Variants in MAGEA11 observed in about 807,000 individuals in gnomAD.
The protein encoded by MAGEA11 is melanoma-associated antigen 11.
MAGEA11 carries 1 observed loss-of-function variant against 8.4 expected under a neutral mutation model. The ratio of observed to expected loss-of-function variants is 0.12; its 90% CI spans 0.04 to 0.57. MAGEA11 has a LOEUF of 0.57. Ranked by LOEUF, MAGEA11 falls within the 20% of genes least tolerant of loss-of-function variation. MAGEA11 has a pLI of 0.91. For missense variants in MAGEA11, 209 were observed against 317.3 expected (o/e 0.66, Z 2.59); for synonymous variants, 127 against 119.3 (o/e 1.06, Z -0.42).
Position 149,715,885 on chromosome X carries a change from G to A in MAGEA11, c.399G>A (p.Leu133=). The A allele has an allele frequency of 8.3e-7, 1 of 1,211,376 alleles. No individual in the cohort carries two copies. The highest frequency in any genetic ancestry group is 1.8e-5 in the South Asian group (1 of 56,921). ...EEGLQAQEED[L]GLVGAQALQA... is the part of the protein sequence containing the mutation. ...GCCTTCAGGCCCAAGAAGAAGACCTGGGCCTGGTGGGTGCACAGGCTCTCC... is the reference window on the plus strand; with the variant it reads ...GCCTTCAGGCCCAAGAAGAAGACCTAGGCCTGGTGGGTGCACAGGCTCTCC... The change falls in exon 5 of 5, where the codon CTG becomes CTA. Residue 133 remains leucine (L), a synonymous_variant. Transcript: ENST00000355220.
At chrX:149,711,583 C>T (rs1177311001), upstream of MAGEA11, among the ~76,000 whole-genome samples, 1 of 111,683 alleles carries the variant, frequency 9.0e-6, no homozygotes, top group Non-Finnish European at 1.9e-5. Context: ...GAGCATCTCC[C>T]ACCCATCACT....
upstream of MAGEA11, among the ~76,000 whole-genome samples, chrX:149,710,573 C>G (rs781950773): frequency 9.0e-6 from 1 of 111,339 alleles, no homozygotes; most frequent in Admixed American, 9.5e-5. Context: ...CTTAGCCTCC[C>G]TACCAGCTGG....
At chrX:149,700,635 T>C (rs1217845295) in intron 1 of MAGEA11, among the ~76,000 whole-genome samples, 2 of 109,944 alleles carry the variant, frequency 1.8e-5, no homozygotes, top group Non-Finnish European at 3.8e-5. Context: ...TACATATGTA[T>C]ACATGTGCCA....
rs1602941650 is a variant in MAGEA11, at chrX:149,714,696, C to T, written c.192+120C>T. 8 of 1,071,862 alleles carry T rather than the reference C, an allele frequency of 7.5e-6. No homozygotes were observed. The African/African-American group carries it at 1.5e-4, about 20-fold the overall frequency. The allele number at this position is 1,071,862 out of a possible 1,213,427, so 88.3% of individuals were successfully genotyped here. A position where few individuals can be genotyped will look rare whatever the true frequency, so the allele number is the denominator to read the frequency against. On this transcript the variant is annotated intron_variant, in intron 3 of 4. Transcript: ENST00000355220. Reference sequence around the variant, plus strand: ...CATGTGCAGGACTATGTGCTGAGACCCCTCTCTTATACTGGGATCATTGGT... The same window carrying T: ...CATGTGCAGGACTATGTGCTGAGACTCCTCTCTTATACTGGGATCATTGGT...
At chrX:149,694,729 T>G (rs782684694) in intron 1 of MAGEA11, among the ~76,000 whole-genome samples, 1 of 111,271 alleles carries the variant, frequency 9.0e-6, no homozygotes, top group South Asian at 3.9e-4. Flanking sequence ...TTCTTTTTTT[T>G]AATTTTATTT....
At chrX:149,700,807 T>C (rs2090349550) in intron 1 of MAGEA11, among the ~76,000 whole-genome samples, 1 of 102,679 alleles carries the variant, frequency 9.7e-6, no homozygotes, top group Non-Finnish European at 2.0e-5. Flanking sequence ...TGAGTGAGAA[T>C]ATGCGGTGTT....
At chrX:149,704,365 G>T (rs17278912) in intron 1 of MAGEA11, among the ~76,000 whole-genome samples, 7,649 of 112,385 alleles carry the variant, frequency 0.068, 470 homozygotes, top group Admixed American at 0.27. Context: ...GAATGCAGAT[G>T]AGGTGAAGAC....
At chrX:149,709,714 T>A (rs1373392747), upstream of MAGEA11, among the ~76,000 whole-genome samples, 1 of 112,295 alleles carries the variant, frequency 8.9e-6, no homozygotes, top group Non-Finnish European at 1.9e-5. Flanking sequence ...TTCCCTATAT[T>A]AACAAGATTA....
At chrX:149,695,560 A>G (rs1341359246) in intron 1 of MAGEA11, among the ~76,000 whole-genome samples, 2 of 112,270 alleles carry the variant, frequency 1.8e-5, no homozygotes, top group Middle Eastern at 4.6e-3. Flanking sequence ...CCACCATATA[A>G]TGACAAACCA....
chrX:149,689,983 A>C (rs1189418423), intron 1 of MAGEA11, among the ~76,000 whole-genome samples: 1 of 112,013 alleles, frequency 8.9e-6, no homozygotes, highest in African/African-American at 3.2e-5. Context: ...GATCTTCCTT[A>C]GTGTTGGCCC....
Position 149,700,461 on chromosome X carries a change from C to T in MAGEA11, c.9+11477C>T, listed in dbSNP as rs184010326. On this transcript the variant is annotated intron_variant, in intron 1 of 3. Coordinates refer to the MAGEA11 transcript ENST00000333104. The stretch of plus-strand genomic sequence containing the variant: ...TTCCTTTGTGATTTTTTCTTTTGCC[C>T]GTTGGTTGTTTAGGAGTATGTAGTT... 8.1e-5 allele frequency among the ~76,000 whole-genome samples: 9 copies of T among 110,486 alleles called. No individual in the cohort carries two copies. The East Asian group carries it at 2.0e-3, about 24-fold the overall frequency.
chrX:149,705,263 G>A (rs143830645), intron 1 of MAGEA11, among the ~76,000 whole-genome samples: 132 of 111,759 alleles, frequency 1.2e-3, no homozygotes, highest in African/African-American at 3.6e-3. Context: ...AGAGGGACAC[G>A]GTTTGAGATA....
At position 149,716,921 on chromosome X, in the gene MAGEA11, A is replaced by G. The variant is rs2090429825; in HGVS notation, c.*145A>G. On this transcript the variant is annotated 3_prime_UTR_variant, in exon 5 of 5. Transcript: ENST00000355220. ...GAGAGAAGTCAGTGTTCTCAGTAGT[A>G]GAAGGCACAGTGAATGGAAGGGAAC... 3.9e-6 allele frequency: 2 copies of G among 517,741 alleles called. No individual in the cohort carries two copies. The highest frequency in any genetic ancestry group is 6.2e-6 in the Non-Finnish European group (2 of 320,102). The allele number at this position is 517,741 out of a possible 1,213,427, so 42.7% of individuals were successfully genotyped here. A position where few individuals can be genotyped will look rare whatever the true frequency, so the allele number is the denominator to read the frequency against.
rs781976455 is a variant in MAGEA11 at position 149,715,911 on chromosome X, A to G, written c.425A>G (p.Gln142Arg). ...GGCCTGGTGGGTGCACAGGCTCTCC[A>G]AGCTGAGGAGCAGGAGGCTGCCTTC... is the stretch of plus-strand genomic sequence containing the variant. ...DLGLVGAQALQAEEQEAAFFS... is the reference protein window; with the variant it reads ...DLGLVGAQALRAEEQEAAFFS... The change falls in exon 5 of 5, where the codon CAA becomes CGA. Residue 142 changes from glutamine to arginine, a missense_variant. Gln to Arg is a conservative substitution (Grantham distance 43, BLOSUM62 1). This residue lies in a region of MAGEA11 where 131 missense variants were observed against 138.5 expected (regional missense o/e 0.95). Coordinates refer to ENST00000355220, the MANE Select transcript of MAGEA11 (RefSeq NM_005366.5). The G allele has an allele frequency of 3.3e-6, 4 of 1,211,501 alleles. No homozygotes were observed. In the Admixed American group the frequency reaches 8.7e-5, roughly 26 times the overall value.
At chrX:149,700,166 A>G (rs1316046165) in intron 1 of MAGEA11, among the ~76,000 whole-genome samples, 1 of 112,470 alleles carries the variant, frequency 8.9e-6, no homozygotes, top group Non-Finnish European at 1.9e-5. Context: ...CTTGGAATTT[A>G]ATGTTTATTA....
chrX:149,715,927 G>C lies in MAGEA11; in HGVS notation c.441G>C (p.Glu147Asp). Residue 147 changes from glutamate (E) to aspartate (D), a missense_variant, in exon 5 of 5, where the codon GAG (glutamate) becomes GAC (aspartate). Physicochemically the swap from Glu to Asp is conservative, Grantham distance 45. Transcript: ENST00000355220. ...AGGCTCTCCAAGCTGAGGAGCAGGA[G>C]GCTGCCTTCTTCTCCTCTACTCTGA... ...GAQALQAEEQ[E>D]AAFFSSTLNV... is the part of the protein sequence containing the mutation. The C allele has an allele frequency of 8.3e-7, 1 of 1,211,710 alleles. No individual in the cohort carries two copies. The highest frequency in any genetic ancestry group is 1.7e-5 in the African/African-American group (1 of 57,782).
At chrX:149,695,760 A>G (rs1304185370) in intron 1 of MAGEA11, among the ~76,000 whole-genome samples, 2 of 112,502 alleles carry the variant, frequency 1.8e-5, no homozygotes, top group African/African-American at 6.5e-5. Flanking sequence ...ACAAGGTGGT[A>G]GAGAAATTAG....
chrX:149,716,107 C>G lies in MAGEA11; in HGVS notation c.621C>G (p.Thr207=), dbSNP rs1267191995. The change falls in exon 5 of 5, where the codon ACC becomes ACG. Residue 207 remains threonine, a synonymous_variant. Transcript: ENST00000355220. ...GCCAAGAAAAGGAGGGGCCAAGTACCTCGCCTGACCTGATAGACCCTGAGT... is the reference window on the plus strand; with the variant it reads ...GCCAAGAAAAGGAGGGGCCAAGTACGTCGCCTGACCTGATAGACCCTGAGT... ...SGSQEKEGPS[T]SPDLIDPESF... 2 of 1,210,378 alleles carry G rather than the reference C, an allele frequency of 1.7e-6. No individual in the cohort carries two copies. The highest frequency in any genetic ancestry group is 1.7e-5 in the African/African-American group (1 of 57,256).
At chrX:149,692,351 G>A (rs2090313881) in intron 1 of MAGEA11, among the ~76,000 whole-genome samples, 1 of 110,372 alleles carries the variant, frequency 9.1e-6, no homozygotes, top group Admixed American at 9.6e-5. Flanking sequence ...AGGTTGCAGT[G>A]AGCCGTTATC....
Sources: gnomAD v4.1 joint callset for allele counts (sites outside exome capture counted in the v4.1 genomes callset) on GRCh38, gnomAD v4.1.1 for gene constraint, gnomAD v4.1.1 regional missense constraint, MANE v1.5 for transcripts, NCBI Gene and HGNC (gene_info 2026-07-23, HGNC 2026-07-21) for gene names.